The following COL25A1 variants were observed in gnomAD, a reference collection of about 807,000 sequenced individuals.
COL25A1 encodes collagen type XXV alpha 1 chain.
Under a neutral mutation model 128.4 loss-of-function variants are expected in COL25A1, and 103 were observed. The observed-to-expected ratio is 0.80, with a 90% CI of 0.68 to 0.94. The LOEUF (loss-of-function observed/expected upper bound fraction) is 0.94. Among genes scored for constraint, COL25A1 ranks in the 40% least tolerant of loss-of-function variants. The probability of loss-of-function intolerance (pLI) is 0.00; values close to 1 mark genes in which losing one functional copy is unlikely to be tolerated. For synonymous variants in COL25A1, 279 were observed against 277.2 expected, an observed-to-expected ratio of 1.01 and a Z score of -0.06; for missense variants, 745 against 840.0, an observed-to-expected ratio of 0.89 and a Z score of 1.40.
chr4:109,190,258 C>T (rs915504367), intron 3 of COL25A1, among the ~76,000 whole-genome samples: 16 of 151,902 alleles, frequency 1.1e-4, no homozygotes, highest in Non-Finnish European at 2.2e-4. Flanking sequence ...CTTTCCTAGA[C>T]TGAAAAAAAT....
chr4:108,997,160 A>T lies in COL25A1; in HGVS notation c.438+13198T>A, dbSNP rs187326002. On this transcript the variant is annotated intron_variant, in intron 6 of 37. Transcript: ENST00000399132. ...ACTGAAGGAGATAGAGACACAAAAA[A>T]CCCTTCAAATAAATCAATGAATCCA... Among the ~76,000 whole-genome samples the T allele has an allele frequency of 6.8e-3, 1,030 of 152,296 alleles. 10 individuals carry two copies. The highest frequency in any genetic ancestry group is 0.023 in the African/African-American group (972 of 41,556).
At chr4:109,285,821 A>G (rs1723828389) in intron 3 of COL25A1, among the ~76,000 whole-genome samples, 1 of 152,188 alleles carries the variant, frequency 6.6e-6, no homozygotes, top group Admixed American at 6.6e-5. Context: ...AAAACTTGCA[A>G]ATGCTACAAA....
intron 5 of COL25A1, among the ~76,000 whole-genome samples, chr4:109,043,317 T>C (rs1760103038): frequency 2.0e-5 from 3 of 152,128 alleles, no homozygotes; most frequent in African/African-American, 7.2e-5. Flanking sequence ...AAAGTTCTAC[T>C]GAGATTTCTT....
rs533753345 is a variant in COL25A1 at position 108,875,556 on chromosome 4, G to A, written c.1021-6406C>T. ...AGAATGGCAATCATTAAAAAGTCAG[G>A]AAACAGCACATGCTGGAGAGGATGT... On this transcript the variant is annotated intron_variant, in intron 19 of 37. Transcript: ENST00000399132. 2.0e-5 allele frequency among the ~76,000 whole-genome samples: 3 copies of A among 152,254 alleles called. No homozygotes were observed. The East Asian group carries it at 5.8e-4, about 29-fold the overall frequency.
At chr4:108,938,212 G>A (rs527517762) in intron 10 of COL25A1, among the ~76,000 whole-genome samples, 12 of 152,172 alleles carry the variant, frequency 7.9e-5, no homozygotes, top group South Asian at 2.1e-4. Flanking sequence ...GATTAATGAC[G>A]GCTGAAGTAA....
chr4:109,061,746 A>G (rs1761992936), intron 3 of COL25A1, among the ~76,000 whole-genome samples: 1 of 152,234 alleles, frequency 6.6e-6, no homozygotes, highest in Non-Finnish European at 1.5e-5. Flanking sequence ...GAATAAACAC[A>G]GTTATTTCCT....
At chr4:108,851,225 T>C (rs1276045380) in intron 26 of COL25A1, among the ~76,000 whole-genome samples, 1 of 152,132 alleles carries the variant, frequency 6.6e-6, no homozygotes, top group Non-Finnish European at 1.5e-5. Flanking sequence ...GGGACCAGAA[T>C]GTGCTGGAGA....
chr4:109,017,384 A>G (rs1757320310), intron 5 of COL25A1, among the ~76,000 whole-genome samples: 1 of 152,240 alleles, frequency 6.6e-6, no homozygotes, highest in African/African-American at 2.4e-5. Context: ...GAATGAGCCC[A>G]GCAGGTCTGA....
chr4:108,818,186 C>T (rs1384250033), intron 36 of COL25A1, among the ~76,000 whole-genome samples: 1 of 152,056 alleles, frequency 6.6e-6, no homozygotes, highest in Non-Finnish European at 1.5e-5. Context: ...TCTACTTTTC[C>T]ACCAACAAAA....
intron 3 of COL25A1, among the ~76,000 whole-genome samples, chr4:109,092,198 A>G (rs1461576432): frequency 6.6e-6 from 1 of 152,202 alleles, no homozygotes; most frequent in Non-Finnish European, 1.5e-5. Context: ...CACAAAGCCT[A>G]AAAAGAAGTT....
chr4:109,233,635 A>G (rs1779291938), intron 3 of COL25A1, among the ~76,000 whole-genome samples: 1 of 152,146 alleles, frequency 6.6e-6, no homozygotes, highest in Admixed American at 6.6e-5. Context: ...GATTCAATTT[A>G]TTCATCATGT....
chr4:108,901,105 T>G lies in COL25A1; in HGVS notation c.834+14A>C, dbSNP rs757138025. 6.2e-7 allele frequency: 1 copy of G among 1,602,022 alleles called. No homozygotes were observed. The highest frequency in any genetic ancestry group is 8.5e-7 in the Non-Finnish European group (1 of 1,169,950). The stretch of plus-strand genomic sequence containing the variant: ...GTGTGTCAAATGATTCTGCTTGGCT[T>G]TATTTGTACTAACCTTAGGTCCTGG... On this transcript the variant is annotated intron_variant, in intron 14 of 37. Coordinates refer to ENST00000399132, the MANE Select transcript of COL25A1 (RefSeq NM_198721.4).
chr4:109,075,601 A>G (rs1385984769), intron 3 of COL25A1, among the ~76,000 whole-genome samples: 5 of 152,168 alleles, frequency 3.3e-5, no homozygotes, highest in Non-Finnish European at 5.9e-5. Flanking sequence ...CTTTTAGATT[A>G]TACTTTCTTT....
intron 19 of COL25A1, among the ~76,000 whole-genome samples, 179 bp from the exon 20 acceptor site, chr4:108,869,329 C>G (rs79295517): frequency 2.0e-4 from 31 of 152,214 alleles, no homozygotes; most frequent in Non-Finnish European, 4.1e-4. Flanking sequence ...TTTGGCTGTT[C>G]ATTTTTATTA....
At chr4:109,160,065 C>T (rs1772407876) in intron 3 of COL25A1, among the ~76,000 whole-genome samples, 1 of 152,122 alleles carries the variant, frequency 6.6e-6, no homozygotes, top group Non-Finnish European at 1.5e-5. Context: ...ACCAGTTTCT[C>T]TTATAATAGG....
intron 36 of COL25A1, among the ~76,000 whole-genome samples, chr4:108,818,138 A>G (rs1457140917): frequency 6.6e-6 from 1 of 152,162 alleles, no homozygotes; most frequent in East Asian, 1.9e-4. Context: ...AATGACACAA[A>G]TAACGCAGGA....
At chr4:108,815,195 C>G (rs552349960) in intron 37 of COL25A1, among the ~76,000 whole-genome samples, 1 of 152,038 alleles carries the variant, frequency 6.6e-6, no homozygotes, top group South Asian at 2.1e-4. Flanking sequence ...AGGAGCATGA[C>G]CAAGAGGAGT....
At position 108,898,891 on chromosome 4, in the gene COL25A1, T is replaced by A. The variant is rs574340367; in HGVS notation, c.861+263A>T. On this transcript the variant is annotated intron_variant, in intron 15 of 37. Transcript: ENST00000399132. ...TTCTCTTTATTTTTTAAAACTTTTT[T>A]TAACCCAAATTTTTGTCTATACATA... 1.4e-4 allele frequency among the ~76,000 whole-genome samples: 21 copies of A among 152,296 alleles called. No individual in the cohort carries two copies. In the South Asian group the frequency reaches 4.4e-3, roughly 32 times the overall value.
At chr4:108,962,472 C>A (rs1750839736) in intron 8 of COL25A1, among the ~76,000 whole-genome samples, 1 of 152,128 alleles carries the variant, frequency 6.6e-6, no homozygotes. Context: ...AGCCACTGCA[C>A]CCGGCCCTTA....
Sources: allele counts gnomAD v4.1 joint callset (sites outside exome capture counted in the v4.1 genomes callset), GRCh38; gene constraint gnomAD v4.1.1; transcripts MANE v1.5; gene names NCBI Gene and HGNC (gene_info 2026-07-23, HGNC 2026-07-21).